TTC17: variants seen among roughly 807,000 people sequenced by gnomAD.
TTC17 encodes tetratricopeptide repeat protein 17.
In TTC17, 58 loss-of-function variants were observed where a neutral mutation model predicts 143.8. The observed-to-expected ratio is 0.40, with a 90% confidence interval of 0.33 to 0.50. The LOEUF (loss-of-function observed/expected upper bound fraction) is 0.50, where lower values mean the gene tolerates loss of function less well. Among genes scored for constraint, TTC17 ranks in the 20% least tolerant of loss-of-function variants. The pLI is 0.49. For missense variants in TTC17, 1,273 were observed against 1,392.5 expected (o/e 0.91, Z 1.37); for synonymous variants, 501 against 497.8 (o/e 1.01, Z -0.09).
At chr11:43,488,562 G>A (rs1310374760) in intron 21 of TTC17, among the ~76,000 whole-genome samples, 1 of 151,812 alleles carries the variant, frequency 6.6e-6, no homozygotes, top group Admixed American at 6.6e-5. Flanking sequence ...AGACAAATTA[G>A]TAGCTATCTG....
At position 43,443,178 on chromosome 11, in the gene TTC17, A is replaced by G. The variant is rs966100251; in HGVS notation, c.2252-147A>G. On this transcript the variant is annotated intron_variant, in intron 16 of 23. Coordinates refer to ENST00000039989, the MANE Select transcript of TTC17 (RefSeq NM_018259.6). ...TGGTATTTTATTATGTATTTTGAAG[A>G]TGCTGAATGGAATTTTTATTACATT... 10 of 903,048 alleles carry G rather than the reference A, an allele frequency of 1.1e-5. No individual in the cohort carries two copies. The African/African-American group carries it at 1.5e-4, about 14-fold the overall frequency. 55.9% of individuals were successfully genotyped at this position (903,048 alleles called of 1,614,324 possible). A position where few individuals can be genotyped will look rare whatever the true frequency, so the allele number is the denominator to read the frequency against.
At chr11:43,478,659 G>A (rs902859687) in intron 21 of TTC17, among the ~76,000 whole-genome samples, 1 of 152,086 alleles carries the variant, frequency 6.6e-6, no homozygotes, top group Non-Finnish European at 1.5e-5. Context: ...CCAGGCGAGA[G>A]TGCAGTGACA....
chr11:43,470,464 A>G (rs762848518), intron 21 of TTC17, among the ~76,000 whole-genome samples: 3 of 152,232 alleles, frequency 2.0e-5, no homozygotes, highest in Non-Finnish European at 4.4e-5. Flanking sequence ...GCTTGGCTAT[A>G]AGAACCGTGA....
At chr11:43,395,687 T>C (rs1857560502) in intron 5 of TTC17, among the ~76,000 whole-genome samples, 2 of 152,214 alleles carry the variant, frequency 1.3e-5, no homozygotes, top group Non-Finnish European at 1.5e-5. Context: ...TAAGGATGAA[T>C]AATGCAGGAT....
chr11:43,426,932 T>C (rs1947042680), intron 16 of TTC17, among the ~76,000 whole-genome samples: 1 of 152,082 alleles, frequency 6.6e-6, no homozygotes, highest in South Asian at 2.1e-4. Flanking sequence ...GCTAGGAGAG[T>C]CTTGTTAAAG....
chr11:43,459,733 A>AAAGCT (rs1947829798), intron 21 of TTC17, among the ~76,000 whole-genome samples: 2 of 152,246 alleles, frequency 1.3e-5, no homozygotes, highest in South Asian at 4.1e-4. Flanking sequence ...GGATGGTATG[A>AAAGCT]AAGCTATATG....
chr11:43,455,023 G>A (rs1233132566), intron 21 of TTC17, among the ~76,000 whole-genome samples: 2 of 151,518 alleles, frequency 1.3e-5, no homozygotes, highest in Non-Finnish European at 3.0e-5. Context: ...TTATATCAGA[G>A]CAGTGAACAA....
At chr11:43,360,862 GTAAT>G (rs1204389802) in intron 1 of TTC17, among the ~76,000 whole-genome samples, 2 of 152,164 alleles carry the variant, frequency 1.3e-5, no homozygotes, top group African/African-American at 4.8e-5. Flanking sequence ...GCTGAGCTAA[GTAAT>G]TAGGCTTAAA....
chr11:43,444,765 C>A (rs1203214790), intron 18 of TTC17, among the ~76,000 whole-genome samples: 2 of 130,392 alleles, frequency 1.5e-5, no homozygotes, highest in Non-Finnish European at 3.4e-5. Context: ...ACACAGATGG[C>A]CGCTAAACTT....
chr11:43,397,362 T>A lies in TTC17; in HGVS notation c.789T>A (p.Ile263=). 1 of 1,610,706 alleles carries A rather than the reference T, an allele frequency of 6.2e-7. No homozygotes were observed. Among genetic ancestry groups the A allele is most frequent in the African/African-American group, 1.3e-5 (1 of 75,040 alleles). The change falls in exon 7 of 24, where the codon ATT becomes ATA. Residue 263 remains isoleucine (I), a synonymous_variant. Transcript: ENST00000039989. ...CTTTCCTTAGGCACAATAAAGACAT[T>A]GCCCTGGTCAACCTGGCAAACGTTC... ...LHFSSRHNKD[I]ALVNLANVLH... is the part of the protein sequence containing the mutation.
At chr11:43,490,215 G>T (rs769916825) in intron 21 of TTC17, 24 bp from the exon 22 acceptor site, 12 of 1,596,538 alleles carry the variant, frequency 7.5e-6, no homozygotes, top group African/African-American at 1.3e-5. Flanking sequence ...AAGGACACCA[G>T]CCTTGGCTAA....
chr11:43,448,184 T>G (rs866262237), intron 19 of TTC17, 62 bp downstream of exon 19: 2 of 1,595,352 alleles, frequency 1.3e-6, no homozygotes, highest in Middle Eastern at 1.7e-4. Context: ...CCAGCTGACT[T>G]TAAGGATCCC....
intron 18 of TTC17, chr11:43,446,070 G>A (rs1394567536): frequency 1.3e-6 from 2 of 1,510,342 alleles, no homozygotes; most frequent in Admixed American, 2.1e-5. Flanking sequence ...ATTGCCTACA[G>A]GATAAAATTC....
At chr11:43,397,942 G>T (rs3961644) in intron 7 of TTC17, 32 bp from the exon 8 acceptor site, 2 of 1,474,782 alleles carry the variant, frequency 1.4e-6, no homozygotes, top group Non-Finnish European at 1.9e-6. Flanking sequence ...GTGTGTGTGT[G>T]TGTGTGTGTA....
At position 43,364,866 on chromosome 11, in the gene TTC17, C is replaced by T. The variant is rs541474379; in HGVS notation, c.159+5753C>T. 1.6e-4 allele frequency among the ~76,000 whole-genome samples: 24 copies of T among 152,208 alleles called. No individual in the cohort carries two copies. The East Asian group carries it at 3.9e-3, about 25-fold the overall frequency. On this transcript the variant is annotated intron_variant, in intron 1 of 23. Transcript: ENST00000039989. ...TGTTGCCCAGGCTGGAGTACAGTGG[C>T]GTGATCTCGGCTCACCTCAACCTCC...
intron 19 of TTC17, 64 bp downstream of exon 19, chr11:43,448,186 A>T: frequency 1.9e-6 from 3 of 1,594,806 alleles, no homozygotes; most frequent in Middle Eastern, 3.4e-4. Flanking sequence ...AGCTGACTTT[A>T]AGGATCCCCT....
intron 21 of TTC17, 80 bp downstream of exon 21, chr11:43,451,345 G>C (rs6485426): frequency 0.94 from 1,245,616 of 1,321,664 alleles, 587,486 homozygotes; most frequent in Admixed American, 0.95. Context: ...CTAAGTGTCT[G>C]TAACCTCTTC....
intron 13 of TTC17, among the ~76,000 whole-genome samples, chr11:43,406,710 G>A (rs1373982803): frequency 2.6e-5 from 4 of 152,076 alleles, no homozygotes; most frequent in Non-Finnish European, 5.9e-5. Flanking sequence ...CATGATCTGT[G>A]CCTTAGAGTT....
rs564862381 is a variant in TTC17 at position 43,440,659 on chromosome 11, C to T, written c.2252-2666C>T. ...TTCTGTCTTCTCTTTCCTTGTCCAA[C>T]ACCCCAGTTCCGATACACAAACTGA... On this transcript the variant is annotated intron_variant, in intron 16 of 23. Transcript: ENST00000039989. Among the ~76,000 whole-genome samples the T allele has an allele frequency of 8.5e-5, 13 of 152,292 alleles. No homozygotes were observed. In the South Asian group the frequency reaches 2.7e-3, roughly 32 times the overall value.
Sources: gnomAD v4.1 joint callset for allele counts (sites outside exome capture counted in the v4.1 genomes callset) on GRCh38, gnomAD v4.1.1 for gene constraint, MANE v1.5 for transcripts, NCBI Gene and HGNC (gene_info 2026-07-23, HGNC 2026-07-21) for gene names.